The following PRKN variants were observed in gnomAD, a reference collection of about 807,000 sequenced individuals.
The protein encoded by PRKN is parkin RBR E3 ubiquitin protein ligase.
A neutral mutation model predicts 59.5 loss-of-function variants in PRKN; 56 were observed. That is an observed-to-expected ratio of 0.94 (90% CI 0.76 to 1.18). The LOEUF is 1.18. Ranked by LOEUF, PRKN falls within the 50% of genes most tolerant of loss-of-function variation. The probability of loss-of-function intolerance (pLI) is 0.00; values close to 1 mark genes in which losing one functional copy is unlikely to be tolerated. For missense variants in PRKN, 657 were observed against 596.4 expected, an observed-to-expected ratio of 1.10 and a Z score of -1.06; for synonymous variants, 250 against 222.1, an observed-to-expected ratio of 1.13 and a Z score of -1.12.
intron 7 of PRKN, among the ~76,000 whole-genome samples, chr6:161,748,713 G>C (rs908578751): frequency 6.6e-6 from 1 of 152,116 alleles, no homozygotes. Flanking sequence ...AGTGAGAAGG[G>C]GCACTTGGGA....
chr6:162,112,909 C>A (rs991048585), intron 4 of PRKN, among the ~76,000 whole-genome samples: 2 of 152,156 alleles, frequency 1.3e-5, no homozygotes, highest in Non-Finnish European at 2.9e-5. Context: ...CACAACAGAG[C>A]AAGAGCCTGT....
chr6:162,109,664 C>G (rs895694177), intron 4 of PRKN, among the ~76,000 whole-genome samples: 1 of 152,190 alleles, frequency 6.6e-6, no homozygotes, highest in Non-Finnish European at 1.5e-5. Flanking sequence ...CACTCCTCTG[C>G]TATTTATAGT....
At chr6:161,517,916 T>C (rs1778675804) in intron 9 of PRKN, among the ~76,000 whole-genome samples, 2 of 152,146 alleles carry the variant, frequency 1.3e-5, no homozygotes, top group Admixed American at 1.3e-4. Flanking sequence ...ACCTGGGACC[T>C]TTCTGTGCTA....
intron 1 of PRKN, among the ~76,000 whole-genome samples, chr6:162,699,803 G>T (rs1373891742): frequency 6.6e-6 from 1 of 152,034 alleles, no homozygotes; most frequent in African/African-American, 2.4e-5. Context: ...CCAAACCAGA[G>T]GATGAGGCTG....
chr6:161,918,102 G>A (rs1399982949), intron 6 of PRKN, among the ~76,000 whole-genome samples: 1 of 152,144 alleles, frequency 6.6e-6, no homozygotes, highest in Non-Finnish European at 1.5e-5. Context: ...AAGTCCCAAG[G>A]TGACCCGGGA....
intron 3 of PRKN, among the ~76,000 whole-genome samples, chr6:162,208,431 T>C (rs1020981280): frequency 1.1e-4 from 17 of 152,346 alleles, no homozygotes; most frequent in African/African-American, 3.6e-4. Flanking sequence ...GCTGGGGTTT[T>C]AAATTAACGT....
chr6:161,930,979 C>G (rs1333638504), intron 6 of PRKN, among the ~76,000 whole-genome samples: 4 of 152,194 alleles, frequency 2.6e-5, no homozygotes, highest in Non-Finnish European at 4.4e-5. Flanking sequence ...TCTGCCAACA[C>G]CTTGATTTTT....
chr6:161,947,114 A>T (rs140656722), intron 6 of PRKN, among the ~76,000 whole-genome samples: 2 of 151,904 alleles, frequency 1.3e-5, no homozygotes, highest in African/African-American at 4.8e-5. Flanking sequence ...AGATGTATGT[A>T]TAAATGTTTA....
intron 6 of PRKN, among the ~76,000 whole-genome samples, chr6:161,943,620 G>C (rs1263816608): frequency 6.6e-6 from 1 of 152,240 alleles, no homozygotes; most frequent in African/African-American, 2.4e-5. Flanking sequence ...GAAGCAGCCT[G>C]AGGGATCAGC....
At chr6:162,370,688 A>G (rs1442864476) in intron 2 of PRKN, among the ~76,000 whole-genome samples, 3 of 152,338 alleles carry the variant, frequency 2.0e-5, no homozygotes, top group Admixed American at 2.0e-4. Flanking sequence ...TCTCTGTCCA[A>G]CCTATGTAAA....
chr6:162,332,052 G>A (rs1354882369), intron 2 of PRKN, among the ~76,000 whole-genome samples: 1 of 152,046 alleles, frequency 6.6e-6, no homozygotes, highest in Non-Finnish European at 1.5e-5. Flanking sequence ...TCCTTCCCAA[G>A]AACTCTGCCA....
At chr6:162,466,691 A>G (rs1168429836) in intron 1 of PRKN, among the ~76,000 whole-genome samples, 1 of 152,028 alleles carries the variant, frequency 6.6e-6, no homozygotes, top group African/African-American at 2.4e-5. Flanking sequence ...TACAGGCATG[A>G]GCCACCACAT....
intron 1 of PRKN, among the ~76,000 whole-genome samples, chr6:162,681,355 G>A (rs1410700674): frequency 6.6e-6 from 1 of 152,128 alleles, no homozygotes; most frequent in African/African-American, 2.4e-5. Flanking sequence ...GGTGTTGGGT[G>A]ATGAAATTGA....
chr6:161,703,879 A>G (rs1338124983), intron 7 of PRKN, among the ~76,000 whole-genome samples: 3 of 84,332 alleles, frequency 3.6e-5, no homozygotes, highest in Non-Finnish European at 6.5e-5. Flanking sequence ...TTTTTTTTAC[A>G]GAGTCTTGCT....
intron 5 of PRKN, among the ~76,000 whole-genome samples, chr6:162,051,679 T>C (rs1163507124): frequency 6.8e-6 from 1 of 146,690 alleles, no homozygotes; most frequent in Admixed American, 6.6e-5. Context: ...CCAGGGTGAG[T>C]TGTCACCCCC....
At chr6:162,604,800 T>C (rs887442465) in intron 1 of PRKN, among the ~76,000 whole-genome samples, 6 of 151,288 alleles carry the variant, frequency 4.0e-5, no homozygotes, top group Non-Finnish European at 8.8e-5. Flanking sequence ...TTCAGATCAA[T>C]GGTGAAATTG....
At chr6:161,753,551 T>C (rs932959056) in intron 7 of PRKN, among the ~76,000 whole-genome samples, 1 of 152,126 alleles carries the variant, frequency 6.6e-6, no homozygotes, top group African/African-American at 2.4e-5. Context: ...GGGTGGACTT[T>C]TGTTTGCTGT....
chr6:162,626,354 A>T (rs948810941), intron 1 of PRKN, among the ~76,000 whole-genome samples: 1 of 152,200 alleles, frequency 6.6e-6, no homozygotes, highest in Non-Finnish European at 1.5e-5. Flanking sequence ...GGACAGCATA[A>T]TACTTGCACT....
intron 6 of PRKN, among the ~76,000 whole-genome samples, chr6:161,863,036 C>T (rs1296081874): frequency 2.0e-5 from 3 of 152,118 alleles, no homozygotes; most frequent in Non-Finnish European, 4.4e-5. Flanking sequence ...AATCAAGCTG[C>T]TTTTGTGTTC....
Sources: gnomAD v4.1 joint callset for allele counts (sites outside exome capture counted in the v4.1 genomes callset) on GRCh38, gnomAD v4.1.1 for gene constraint, MANE v1.5 for transcripts, NCBI Gene and HGNC (gene_info 2026-07-23, HGNC 2026-07-21) for gene names.